Variants in LRRC69 observed in about 807,000 individuals in gnomAD.
The protein encoded by LRRC69 is leucine rich repeat containing 69, also known as leucine-rich repeat-containing protein 69.
Under a neutral mutation model 37.8 loss-of-function variants are expected in LRRC69, and 42 were observed. That is an observed-to-expected ratio of 1.11 (90% CI 0.87 to 1.44). The LOEUF (loss-of-function observed/expected upper bound fraction) is 1.44, where lower values mean the gene tolerates loss of function less well. Ranked by LOEUF, LRRC69 falls within the 40% of genes most tolerant of loss-of-function variation. LRRC69 has a pLI of 0.00. For synonymous variants in LRRC69, 141 were observed against 143.1 expected, an observed-to-expected ratio of 0.99 and a Z score of 0.11; for missense variants, 357 against 401.9, an observed-to-expected ratio of 0.89 and a Z score of 0.96.
At chr8:91,144,525 G>A (rs1156990933) in intron 5 of LRRC69, among the ~76,000 whole-genome samples, 1 of 151,842 alleles carries the variant, frequency 6.6e-6, no homozygotes, top group Non-Finnish European at 1.5e-5. Context: ...TGGTTTGTTT[G>A]CCAGACCAGA....
intron 7 of LRRC69, 74 bp from the exon 8 acceptor site, chr8:91,218,816 A>T: frequency 1.1e-6 from 1 of 929,322 alleles, no homozygotes; most frequent in East Asian, 2.7e-5. Flanking sequence ...ACCTCTGAGA[A>T]AGCAAATATT....
chr8:91,201,682 C>T (rs980583699), intron 7 of LRRC69, among the ~76,000 whole-genome samples: 1 of 151,436 alleles, frequency 6.6e-6, no homozygotes, highest in Non-Finnish European at 1.5e-5. Context: ...CTTGGTGAGC[C>T]CTTGGCCTTC....
In LRRC69 at chr8:91,207,705, TA is replaced by T. The variant is rs1369055601; in HGVS notation, c.933+6914del. On this transcript the variant is annotated intron_variant, in intron 7 of 7. Transcript: ENST00000448384. Reference sequence around the variant, plus strand: ...CTGTGCAGAGTTAATATTGTGCAAATATAAATTGCACAATGTGTACAGTGAA... The same window carrying T: ...CTGTGCAGAGTTAATATTGTGCAAATTAAATTGCACAATGTGTACAGTGAA... Among the ~76,000 whole-genome samples, 12 of 152,330 alleles carry T rather than the reference TA, an allele frequency of 7.9e-5. No individual in the cohort carries two copies. The East Asian group carries it at 2.1e-3, about 27-fold the overall frequency.
At chr8:91,194,791 C>A (rs1227185664) in intron 6 of LRRC69, among the ~76,000 whole-genome samples, 1 of 152,082 alleles carries the variant, frequency 6.6e-6, no homozygotes, top group Admixed American at 6.6e-5. Flanking sequence ...TTTCAAAAAA[C>A]CAGCTCCTGG....
intron 7 of LRRC69, among the ~76,000 whole-genome samples, chr8:91,217,919 T>C (rs1246727878): frequency 6.6e-6 from 1 of 152,144 alleles, no homozygotes; most frequent in African/African-American, 2.4e-5. Flanking sequence ...ACAGCCACTG[T>C]TGGAGGTCTG....
intron 6 of LRRC69, among the ~76,000 whole-genome samples, chr8:91,197,877 A>T (rs1809644215): frequency 6.6e-6 from 1 of 151,764 alleles, no homozygotes; most frequent in South Asian, 2.1e-4. Flanking sequence ...CCGTCTCCAA[A>T]AGTTAATTTT....
intron 1 of LRRC69, among the ~76,000 whole-genome samples, chr8:91,123,510 CATT>C (rs1339273353): frequency 6.6e-6 from 1 of 151,892 alleles, no homozygotes; most frequent in Non-Finnish European, 1.5e-5. Flanking sequence ...TAATTTAAAT[CATT>C]GTCTTACATC....
chr8:91,171,904 A>G (rs1809138845), intron 5 of LRRC69, among the ~76,000 whole-genome samples: 1 of 151,978 alleles, frequency 6.6e-6, no homozygotes, highest in African/African-American at 2.4e-5. Flanking sequence ...CCATTTTAAA[A>G]ATGTGTATGT....
chr8:91,197,491 C>A (rs57142380), intron 6 of LRRC69, among the ~76,000 whole-genome samples: 3 of 151,860 alleles, frequency 2.0e-5, no homozygotes, highest in Non-Finnish European at 4.4e-5. Flanking sequence ...TAGCAATCAG[C>A]GAGACTCCGT....
intron 1 of LRRC69, among the ~76,000 whole-genome samples, chr8:91,103,470 T>C (rs1282085771): frequency 1.3e-5 from 2 of 152,032 alleles, no homozygotes; most frequent in Admixed American, 6.6e-5. Context: ...TAAACCTTTC[T>C]GCCTAACAAT....
At chr8:91,185,349 C>G (rs562483786) in intron 5 of LRRC69, among the ~76,000 whole-genome samples, 18 of 133,512 alleles carry the variant, frequency 1.3e-4, no homozygotes, top group South Asian at 8.0e-4. Context: ...CTGTCTGTCT[C>G]TCTCTCTCTC....
chr8:91,107,746 A>C (rs1813343000), intron 1 of LRRC69, among the ~76,000 whole-genome samples: 1 of 152,048 alleles, frequency 6.6e-6, no homozygotes. Flanking sequence ...AAGCTCTGGA[A>C]AATTTCAGTC....
At chr8:91,171,760 G>A (rs952414920) in intron 5 of LRRC69, among the ~76,000 whole-genome samples, 1 of 151,874 alleles carries the variant, frequency 6.6e-6, no homozygotes, top group East Asian at 1.9e-4. Context: ...ATGATTCCTG[G>A]AAAAACTTTT....
chr8:91,189,254 T>A (rs1305661370), intron 5 of LRRC69, among the ~76,000 whole-genome samples: 1 of 152,172 alleles, frequency 6.6e-6, no homozygotes, highest in Non-Finnish European at 1.5e-5. Flanking sequence ...AAACAAGTTT[T>A]CTTAGTTGTT....
chr8:91,190,355 C>A (rs1398827895), intron 6 of LRRC69, among the ~76,000 whole-genome samples: 3 of 150,620 alleles, frequency 2.0e-5, no homozygotes, highest in Non-Finnish European at 3.0e-5. Flanking sequence ...TGGAGAAAAT[C>A]AAAATTTCTT....
chr8:91,218,354 A>ACT (rs56966857), intron 7 of LRRC69, among the ~76,000 whole-genome samples: 115,812 of 152,014 alleles, frequency 0.76, 45,370 homozygotes, highest in African/African-American at 0.93. Context: ...TATTTTGTAC[A>ACT]AATTATTTTG....
At chr8:91,122,547 C>T (rs534042790) in intron 1 of LRRC69, among the ~76,000 whole-genome samples, 40 of 152,006 alleles carry the variant, frequency 2.6e-4, no homozygotes, top group Non-Finnish European at 4.7e-4. Context: ...AAGTAGTAAA[C>T]GGTCCCTTGT....
At chr8:91,186,107 T>C (rs552940993) in intron 5 of LRRC69, among the ~76,000 whole-genome samples, 1 of 152,268 alleles carries the variant, frequency 6.6e-6, no homozygotes, top group African/African-American at 2.4e-5. Flanking sequence ...TTCGCAAATC[T>C]TGAGTGCGCA....
At chr8:91,124,112 A>C (rs1813676336) in intron 1 of LRRC69, among the ~76,000 whole-genome samples, 1 of 151,910 alleles carries the variant, frequency 6.6e-6, no homozygotes, top group African/African-American at 2.4e-5. Context: ...TGTTTTCAGT[A>C]ACTTAGCTCC....
Sources: allele counts gnomAD v4.1 joint callset (sites outside exome capture counted in the v4.1 genomes callset), GRCh38; gene constraint gnomAD v4.1.1; transcripts MANE v1.5; gene names NCBI Gene and HGNC (gene_info 2026-07-23, HGNC 2026-07-21).